Variants in NEFL observed in about 807,000 individuals in gnomAD.
NEFL encodes neurofilament light chain.
Under a neutral mutation model 51.6 loss-of-function variants are expected in NEFL, and 36 were observed. The observed-to-expected ratio is 0.70, with a 90% CI of 0.53 to 0.92. The LOEUF (loss-of-function observed/expected upper bound fraction) is 0.92. NEFL is among the 40% of genes least tolerant of loss of function. The probability of loss-of-function intolerance (pLI) is 0.00; values close to 1 mark genes in which losing one functional copy is unlikely to be tolerated. For synonymous variants in NEFL, 332 were observed against 302.5 expected, an observed-to-expected ratio of 1.10 and a Z score of -1.01; for missense variants, 671 against 722.0, an observed-to-expected ratio of 0.93 and a Z score of 0.81.
In NEFL at chr8:24,954,193, A is replaced by G; in HGVS notation, c.1157T>C (p.Ile386Thr). 6.2e-7 allele frequency: 1 copy of G among 1,613,886 alleles called. No individual in the cohort carries two copies. The highest frequency in any genetic ancestry group is 8.5e-7 in the Non-Finnish European group (1 of 1,179,866). The change falls in exon 2 of 4, where the codon ATT (isoleucine) becomes ACT (threonine). Residue 386 changes from isoleucine to threonine, a missense_variant. Transcript: ENST00000610854. ...CCTCTATTTTCACCTGTAAGCTGCA[A>G]TCTCAATATCCAAAGCCATCTTCAC... ...LNVKMALDIE[I>T]AAYRKLLEGE...
chr8:24,955,966 T>G lies in NEFL; in HGVS notation c.550A>C (p.Ser184Arg), dbSNP rs1037020790. 1.2e-6 allele frequency: 2 copies of G among 1,602,790 alleles called. No homozygotes were observed. The highest frequency in any genetic ancestry group is 2.7e-5 in the African/African-American group (2 of 74,862). Residue 184 changes from serine to arginine, a missense_variant, in exon 1 of 4, where the codon AGC (serine) becomes CGC (arginine). Physicochemically the swap from Ser to Arg is moderately radical, Grantham distance 110. Coordinates refer to ENST00000610854, the MANE Select transcript of NEFL (RefSeq NM_006158.5). The surrounding 1 kb of genome is among the most constrained non-coding windows in gnomAD (Gnocchi z 4.0). ...LQARYEEEVLSREDAEGRLME... is the reference protein window; with the variant it reads ...LQARYEEEVLRREDAEGRLME... Reference sequence around the variant, plus strand: ...AGCCGGCCCTCGGCGTCCTCGCGGCTCAGCACCTCCTCTTCATAGCGCGCC... The same window carrying G: ...AGCCGGCCCTCGGCGTCCTCGCGGCGCAGCACCTCCTCTTCATAGCGCGCC...
chr8:24,953,873 C>A (rs2117251972), intron 2 of NEFL, 78 bp from the exon 3 acceptor site: 1 of 1,477,712 alleles, frequency 6.8e-7, no homozygotes, highest in Non-Finnish European at 9.0e-7. Context: ...AACACAAAGG[C>A]AAGCAGGAGC....
chr8:24,956,109 C>G lies in NEFL; in HGVS notation c.407G>C (p.Arg136Pro). 1 of 1,607,444 alleles carries G rather than the reference C, an allele frequency of 6.2e-7. No homozygotes were observed. The change falls in exon 1 of 4, where the codon CGG becomes CCG. Residue 136 changes from arginine (R) to proline (P), a missense_variant. Physicochemically the swap from Arg to Pro is moderately radical, Grantham distance 103 (BLOSUM62 -2). Transcript: ENST00000610854. This position sits in a 1 kb window ranked among gnomAD's most constrained non-coding sequence, Gnocchi z 5.9. ...GCGGATCTCCTGCTCGTACAGCGCC[C>G]GGAAGCGGGATGGCTCGGAGTGCTT... The part of the protein sequence containing the change: ...RQKHSEPSRF[R>P]ALYEQEIRDL...
chr8:24,955,459 G>C lies in NEFL; in HGVS notation c.1044+13C>G. On this transcript the variant is annotated intron_variant, in intron 1 of 3. Coordinates refer to ENST00000610854, the MANE Select transcript of NEFL (RefSeq NM_006158.5). This position sits in a 1 kb window ranked among gnomAD's most constrained non-coding sequence, Gnocchi z 4.0. ...GAGTCCCCCGCCCCCCTGTGTTTCT[G>C]GCCGTGCCGCACCTGCATAGCGCTG... The C allele has an allele frequency of 6.5e-7, 1 of 1,539,960 alleles. No individual in the cohort carries two copies. Among genetic ancestry groups the C allele is most frequent in the Non-Finnish European group, 8.8e-7 (1 of 1,142,438 alleles).
Position 24,956,460 on chromosome 8 carries a change from A to C in NEFL, c.56T>G (p.Val19Gly), listed in dbSNP as rs1187609782. Residue 19 changes from valine to glycine, a missense_variant, in exon 1 of 4, where the codon GTG (valine) becomes GGG (glycine). Coordinates refer to ENST00000610854, the MANE Select transcript of NEFL (RefSeq NM_006158.5). The surrounding 1 kb of genome is among the most constrained non-coding windows in gnomAD (Gnocchi z 5.9). ...GGAGATGTGCACCCGGGGCGTCTCC[A>C]CGTAGCGCCGCTTGTAGGAGGTCGA... is the stretch of plus-strand genomic sequence containing the variant. ...YYSTSYKRRY[V>G]ETPRVHISSV... 1.9e-6 allele frequency: 3 copies of C among 1,604,540 alleles called. No individual in the cohort carries two copies. The highest frequency in any genetic ancestry group is 3.4e-5 in the Admixed American group (2 of 58,622).
Position 24,956,360 on chromosome 8 carries a change from G to C in NEFL, c.156C>G (p.Ser52=), listed in dbSNP as rs1323282939. The C allele has an allele frequency of 6.2e-7, 1 of 1,608,228 alleles. No individual in the cohort carries two copies. The highest frequency in any genetic ancestry group is 1.1e-5 in the South Asian group (1 of 89,880). Reference sequence around the variant, plus strand: ...AGCTGGAGGAGTAGCTGCGGCGCACGGACAGCGAGGAAGACACCGGCGCCG... The same window carrying C: ...AGCTGGAGGAGTAGCTGCGGCGCACCGACAGCGAGGAAGACACCGGCGCCG... The part of the protein sequence containing the change: ...SYSAPVSSSL[S]VRRSYSSSSG... Residue 52 remains serine (S), a synonymous_variant, in exon 1 of 4, where the codon TCC becomes TCG. Coordinates refer to ENST00000610854, the MANE Select transcript of NEFL (RefSeq NM_006158.5). The surrounding 1 kb of genome is among the most constrained non-coding windows in gnomAD (Gnocchi z 5.9).
chr8:24,954,342 G>A (rs370849726), intron 1 of NEFL, 37 bp from the exon 2 acceptor site: 22 of 1,603,516 alleles, frequency 1.4e-5, no homozygotes, highest in East Asian at 4.5e-5. Flanking sequence ...AAAAAAATCC[G>A]AGCATAAATC....
chr8:24,955,868 C>G lies in NEFL; in HGVS notation c.648G>C (p.Leu216Phe), dbSNP rs35575466. ...TCTTCAGAAAAGAGATTTCGTCCAT[C>G]AAGCTGTCGATGCGCTTCTCGAGCT... ...RAELEKRIDSLMDEISFLKKV... is the reference protein window; with the variant it reads ...RAELEKRIDSFMDEISFLKKV... The change falls in exon 1 of 4, where the codon TTG becomes TTC. Residue 216 changes from leucine to phenylalanine, a missense_variant. Transcript: ENST00000610854. This position sits in a 1 kb window ranked among gnomAD's most constrained non-coding sequence, Gnocchi z 4.0. 2.6e-5 allele frequency: 42 copies of G among 1,608,618 alleles called. No individual in the cohort carries two copies. The highest frequency in any genetic ancestry group is 3.3e-5 in the Non-Finnish European group (39 of 1,179,872).
At chr8:24,954,658 G>T (rs932274258) in intron 1 of NEFL, among the ~76,000 whole-genome samples, 3 of 152,022 alleles carry the variant, frequency 2.0e-5, no homozygotes, top group Admixed American at 6.5e-5. Context: ...TACATGCCAG[G>T]AAACTAATGC....
At position 24,955,721 on chromosome 8, in the gene NEFL, G is replaced by A; in HGVS notation, c.795C>T (p.Tyr265=). The change falls in exon 1 of 4, where the codon TAC becomes TAT. Residue 265 remains tyrosine (Y), a synonymous_variant. Transcript: ENST00000610854. The surrounding 1 kb of genome is among the most constrained non-coding windows in gnomAD (Gnocchi z 4.0). ...SAALKDIRAQ[Y]EKLAAKNMQN... ...GCATGTTCTTGGCGGCCAGCTTCTC[G>A]TACTGCGCGCGGATGTCCTTGAGCG... The A allele has an allele frequency of 6.2e-7, 1 of 1,613,860 alleles. No homozygotes were observed. Among genetic ancestry groups the A allele is most frequent in the Non-Finnish European group, 8.5e-7 (1 of 1,179,886 alleles).
chr8:24,953,932 A>G, intron 2 of NEFL, 137 bp from the exon 3 acceptor site: 1 of 1,284,898 alleles, frequency 7.8e-7, no homozygotes, highest in East Asian at 2.5e-5. Context: ...TTTGATGGAG[A>G]CCAGAAAAAA....
At chr8:24,953,831 C>T in intron 2 of NEFL, 36 bp from the exon 3 acceptor site, 1 of 1,560,276 alleles carries the variant, frequency 6.4e-7, no homozygotes. Context: ...TTAAAAAACA[C>T]CTGTGTTTCA....
rs765260132 is a variant in NEFL, at chr8:24,956,281, T to C, written c.235A>G (p.Ile79Val). The C allele has an allele frequency of 1.5e-5, 24 of 1,611,642 alleles. No individual in the cohort carries two copies. The highest frequency in any genetic ancestry group is 2.0e-5 in the Non-Finnish European group (24 of 1,179,098). Residue 79 changes from isoleucine (I) to valine (V), a missense_variant, in exon 1 of 4, where the codon ATC becomes GTC. Ile to Val is a conservative substitution (Grantham distance 29). Transcript: ENST00000610854. The surrounding 1 kb of genome is among the most constrained non-coding windows in gnomAD (Gnocchi z 5.9). ...ENLDLSQVAA[I>V]SNDLKSIRTQ... ...CGGATGGACTTGAGGTCGTTGCTGA[T>C]GGCGGCTACCTGGCTCAGGTCGAGG... is the stretch of plus-strand genomic sequence containing the variant.
Position 24,955,124 on chromosome 8 carries a change from T to A in NEFL, c.1044+348A>T, listed in dbSNP as rs1449107828. 4 of 297,404 alleles carry A rather than the reference T, an allele frequency of 1.3e-5. No individual in the cohort carries two copies. The highest frequency in any genetic ancestry group is 2.5e-5 in the Non-Finnish European group (4 of 159,754). The allele number at this position is 297,404 out of a possible 1,614,324, so 18.4% of individuals were successfully genotyped here. ...ATTTATTAACTAGATGATCCGATAG[T>A]TGCTGCAAAGTAACTTGTGGTTAAT... On this transcript the variant is annotated intron_variant, in intron 1 of 3. Coordinates refer to ENST00000610854, the MANE Select transcript of NEFL (RefSeq NM_006158.5). The surrounding 1 kb of genome is among the most constrained non-coding windows in gnomAD (Gnocchi z 4.0).
At position 24,953,720 on chromosome 8, in the gene NEFL, G is replaced by C. The variant is rs1803003337; in HGVS notation, c.1245C>G (p.Ser415Arg). ...AGGCAGATCGGCCAAAGACCTGGGA[G>C]CTCTGGGAGTAGCCACTGGTTATGC... ...VGSITSGYSQ[S>R]SQVFGRSAYG... Residue 415 changes from serine (S) to arginine (R), a missense_variant, in exon 3 of 4, where the codon AGC (serine) becomes AGG (arginine). Ser to Arg is a moderately radical substitution (Grantham distance 110, BLOSUM62 -1). Coordinates refer to ENST00000610854, the MANE Select transcript of NEFL (RefSeq NM_006158.5). 1.9e-6 allele frequency: 3 copies of C among 1,614,032 alleles called. No individual in the cohort carries two copies. Among genetic ancestry groups the C allele is most frequent in the Non-Finnish European group, 2.5e-6 (3 of 1,179,902 alleles).
chr8:24,952,999 C>T (rs755724233), intron 3 of NEFL, 47 bp from the exon 4 acceptor site: 1 of 1,556,950 alleles, frequency 6.4e-7, no homozygotes, highest in Non-Finnish European at 8.7e-7. Flanking sequence ...CAGGGTAAGT[C>T]CAGTCAAAAC....
intron 3 of NEFL, 62 bp downstream of exon 3, chr8:24,953,414 C>A: frequency 1.3e-6 from 2 of 1,542,294 alleles, no homozygotes. Context: ...TCTTATCCAC[C>A]TCCTAACAAA....
In NEFL at chr8:24,955,900, G is replaced by A. The variant is rs771763817; in HGVS notation, c.616C>T (p.Arg206Cys). The change falls in exon 1 of 4, where the codon CGC becomes TGC. Residue 206 changes from arginine (R) to cysteine (C), a missense_variant. Physicochemically the swap from Arg to Cys is radical, Grantham distance 180. Coordinates refer to ENST00000610854, the MANE Select transcript of NEFL (RefSeq NM_006158.5). This position sits in a 1 kb window ranked among gnomAD's most constrained non-coding sequence, Gnocchi z 4.0. The part of the protein sequence containing the change: ...RKGADEAALA[R>C]AELEKRIDSL... ...TCGATGCGCTTCTCGAGCTCGGCGC[G>A]AGCGAGCGCCGCCTCGTCGGCGCCT... 4 of 1,605,520 alleles carry A rather than the reference G, an allele frequency of 2.5e-6. No individual in the cohort carries two copies. Among genetic ancestry groups the A allele is most frequent in the African/African-American group, 2.7e-5 (2 of 74,926 alleles).
rs142168311 is a variant in NEFL at position 24,952,822 on chromosome 8, C to A, written c.1620G>T (p.Lys540Asn). 1 of 1,613,884 alleles carries A rather than the reference C, an allele frequency of 6.2e-7. No homozygotes were observed. The highest frequency in any genetic ancestry group is 8.5e-7 in the Non-Finnish European group (1 of 1,179,828). Reference sequence around the variant, plus strand: ...AGGAAATGGGGGTTCAATCTTTCTTCTTAGCTGCTTGTTCCTCCCCAGCAC... The same window carrying A: ...AGGAAATGGGGGTTCAATCTTTCTTATTAGCTGCTTGTTCCTCCCCAGCAC... ...VEGAGEEQAAKKKD is the reference protein window; with the variant it reads ...VEGAGEEQAANKKD Residue 540 changes from lysine to asparagine, a missense_variant, in exon 4 of 4, where the codon AAG becomes AAT. Transcript: ENST00000610854.
Sources: allele counts gnomAD v4.1 joint callset (sites outside exome capture counted in the v4.1 genomes callset), GRCh38; gene constraint gnomAD v4.1.1; non-coding constraint Gnocchi (gnomAD v3.1); transcripts MANE v1.5; gene names NCBI Gene and HGNC (gene_info 2026-07-23, HGNC 2026-07-21).